The following DDB1 variants were observed in gnomAD, a reference collection of about 807,000 sequenced individuals.
DDB1 encodes the protein damage specific DNA binding protein 1.
A neutral mutation model predicts 133.1 loss-of-function variants in DDB1; 18 were observed. The observed-to-expected ratio is 0.14, with a 90% CI of 0.09 to 0.20. The LOEUF (loss-of-function observed/expected upper bound fraction) is 0.20. Among genes scored for constraint, DDB1 ranks in the 10% least tolerant of loss-of-function variants. The pLI, the probability that DDB1 is intolerant of heterozygous loss-of-function variation, is 1.00. For synonymous variants in DDB1, 580 were observed against 550.5 expected (o/e 1.05, Z -0.75); for missense variants, 828 against 1,459.2 (o/e 0.57, Z 7.05).
rs368316225 is a variant in DDB1, at chr11:61,307,796, TAAATGGCAAAGCCA to T, written c.2661+1173_2661+1186del. Among the ~76,000 whole-genome samples, 766 of 147,982 alleles carry T rather than the reference TAAATGGCAAAGCCA, an allele frequency of 5.2e-3. 9 individuals carry two copies. The highest frequency in any genetic ancestry group is 0.019 in the African/African-American group (717 of 37,354). On this transcript the variant is annotated intron_variant, in intron 21 of 26. Coordinates refer to ENST00000301764, the MANE Select transcript of DDB1 (RefSeq NM_001923.5). ...CCTGCTGCACTATCTTTCCCATCAG[TAAATGGCAAAGCCA>T]AAACCCGACCCTTTATTCCTCTGCC...
At chr11:61,316,923 A>C (rs1856078930) in intron 10 of DDB1, among the ~76,000 whole-genome samples, 1 of 104,482 alleles carries the variant, frequency 9.6e-6, no homozygotes, top group Non-Finnish European at 1.9e-5. Context: ...CTGTCTCAAA[A>C]AAAAAAAAAA....
At chr11:61,314,700 C>CA (rs1856036590) in intron 12 of DDB1, 2 of 485,476 alleles carry the variant, frequency 4.1e-6, no homozygotes, top group South Asian at 6.4e-5. Flanking sequence ...TTACAGCTTA[C>CA]AAACCTACAG....
intron 15 of DDB1, 44 bp from the exon 16 acceptor site, chr11:61,313,750 G>A: frequency 6.3e-7 from 1 of 1,579,722 alleles, no homozygotes. Context: ...AAGAAAACAG[G>A]ACAAAAAGCT....
chr11:61,331,235 T>C (rs1033460402), intron 2 of DDB1, among the ~76,000 whole-genome samples: 2 of 152,186 alleles, frequency 1.3e-5, no homozygotes, highest in African/African-American at 4.8e-5. Context: ...CAAGAGTACA[T>C]ACTGAAATTT....
intron 9 of DDB1, 125 bp from the exon 10 acceptor site, chr11:61,321,822 A>G (rs1021438088): frequency 8.5e-6 from 7 of 821,840 alleles, no homozygotes; most frequent in Admixed American, 2.2e-5. Flanking sequence ...AGGTTTGAGG[A>G]TGCAGACTTG....
chr11:61,326,164 T>C (rs556225746), intron 5 of DDB1: 9 of 251,268 alleles, frequency 3.6e-5, no homozygotes, highest in South Asian at 1.4e-4. Context: ...ACAAACATAA[T>C]GTAGGGGCAG....
intron 21 of DDB1, 141 bp from the exon 22 acceptor site, chr11:61,304,176 G>A (rs1269217291): frequency 1.3e-6 from 1 of 743,412 alleles, no homozygotes; most frequent in African/African-American, 1.8e-5. Flanking sequence ...AGGCACTGGG[G>A]TGAACATTTA....
intron 3 of DDB1, 94 bp from the exon 4 acceptor site, chr11:61,329,678 G>A: frequency 1.6e-6 from 2 of 1,235,818 alleles, no homozygotes; most frequent in South Asian, 1.4e-5. Flanking sequence ...TTTTAGGAGA[G>A]GTATTAAAAC....
intron 2 of DDB1, chr11:61,330,279 T>A: frequency 2.4e-6 from 1 of 424,114 alleles, no homozygotes; most frequent in South Asian, 6.0e-5. Flanking sequence ...CTGGTAAACA[T>A]CTAGTTCTCA....
chr11:61,321,564 A>G, intron 10 of DDB1, 31 bp downstream of exon 10: 2 of 1,604,858 alleles, frequency 1.2e-6, no homozygotes, highest in South Asian at 1.1e-5. Flanking sequence ...CTCATGTAAG[A>G]TCTACATCCT....
At chr11:61,313,773 T>G in intron 15 of DDB1, 67 bp from the exon 16 acceptor site, 2 of 1,585,424 alleles carry the variant, frequency 1.3e-6, no homozygotes, top group Non-Finnish European at 1.7e-6. Flanking sequence ...CCTGTGAAAG[T>G]TCAAAAGCAG....
chr11:61,311,434 G>A (rs993041727), intron 18 of DDB1: 2 of 231,482 alleles, frequency 8.6e-6, no homozygotes, highest in Admixed American at 5.7e-5. Flanking sequence ...TGAAAAGCTG[G>A]TTTCTGTCTT....
intron 25 of DDB1, 72 bp downstream of exon 25, chr11:61,302,185 G>A: frequency 7.6e-7 from 1 of 1,316,328 alleles, no homozygotes; most frequent in Non-Finnish European, 1.1e-6. Flanking sequence ...GTAGCTTCCG[G>A]GTAATGTGAC....
rs1194016322 is a variant in DDB1, at chr11:61,303,855, C to T, written c.2832+10G>A. 1.9e-6 allele frequency: 3 copies of T among 1,613,486 alleles called. No homozygotes were observed. In the Admixed American group the frequency reaches 5.0e-5, roughly 27 times the overall value. ...CAAGAAGTCTGCTCGCATCCCCCCA[C>T]CAGCATCACCTCTTCAAAGTTTCCT... On this transcript the variant is annotated intron_variant, in intron 22 of 26. Coordinates refer to ENST00000301764, the MANE Select transcript of DDB1 (RefSeq NM_001923.5).
In DDB1 at chr11:61,330,045, C is replaced by T; in HGVS notation, c.240G>A (p.Leu80=). The change falls in exon 3 of 27, where the codon TTG becomes TTA. Residue 80 remains leucine (L), a synonymous_variant. Transcript: ENST00000301764. ...GGATGCAGGCATTGTACTTCGCTGT[C>T]AAGATAAACAGCAGGTCCTTGCTCT... ...KGESKDLLFI[L]TAKYNACILE... is the part of the protein sequence containing the mutation. 6.2e-7 allele frequency: 1 copy of T among 1,613,750 alleles called. No homozygotes were observed. The highest frequency in any genetic ancestry group is 8.5e-7 in the Non-Finnish European group (1 of 1,179,690).
chr11:61,326,899 G>A lies in DDB1; in HGVS notation c.550-6C>T, dbSNP rs774446690. 6.2e-7 allele frequency: 1 copy of A among 1,610,546 alleles called. No individual in the cohort carries two copies. Among genetic ancestry groups the A allele is most frequent in the Admixed American group, 1.7e-5 (1 of 59,996 alleles). ...ACGTGCCGCCCCTGAGGGTCCTGGG[G>A]GGGAAAGGTAAAATGGTTAGCCCTT... On this transcript the variant is annotated splice_polypyrimidine_tract_variant and splice_region_variant and intron_variant, in intron 4 of 26. Transcript: ENST00000301764.
intron 6 of DDB1, among the ~76,000 whole-genome samples, chr11:61,324,711 A>C (rs28720278): frequency 1.6e-3 from 241 of 152,314 alleles, no homozygotes; most frequent in African/African-American, 5.6e-3. Flanking sequence ...TCTCAAAAAG[A>C]AAGTAAAATG....
In DDB1 at chr11:61,311,762, T is replaced by C. The variant is rs545558847; in HGVS notation, c.2277+22A>G. 3.1e-5 allele frequency: 49 copies of C among 1,598,262 alleles called. No homozygotes were observed. In the South Asian group the frequency reaches 4.8e-4, roughly 16 times the overall value. On this transcript the variant is annotated intron_variant, in intron 18 of 26. Coordinates refer to ENST00000301764, the MANE Select transcript of DDB1 (RefSeq NM_001923.5). Reference sequence around the variant, plus strand: ...TGCTGGCCCCTGCTCTAAGGTCATCTTTCTTTGTCCACTGCCCTTACCTGG... The same window carrying C: ...TGCTGGCCCCTGCTCTAAGGTCATCCTTCTTTGTCCACTGCCCTTACCTGG...
At chr11:61,326,940 T>C in intron 4 of DDB1, 47 bp from the exon 5 acceptor site, 1 of 1,435,854 alleles carries the variant, frequency 7.0e-7, no homozygotes, top group Non-Finnish European at 9.8e-7. Flanking sequence ...GGGTGAGCCT[T>C]GGGCTAGAGA....
Sources: allele counts gnomAD v4.1 joint callset (sites outside exome capture counted in the v4.1 genomes callset), GRCh38; gene constraint gnomAD v4.1.1; transcripts MANE v1.5; gene names NCBI Gene and HGNC (gene_info 2026-07-23, HGNC 2026-07-21).